MAX: variants seen among roughly 807,000 people sequenced by gnomAD.
MAX encodes protein max.
Under a neutral mutation model 22.3 loss-of-function variants are expected in MAX, and 3 were observed. That is an observed-to-expected ratio of 0.13 (90% CI 0.06 to 0.35). MAX has a LOEUF of 0.35. Ranked by LOEUF, MAX falls within the 10% of genes least tolerant of loss-of-function variation. MAX has a pLI of 1.00. For missense variants in MAX, 119 were observed against 209.4 expected, an observed-to-expected ratio of 0.57 and a Z score of 2.66; for synonymous variants, 72 against 77.7, an observed-to-expected ratio of 0.93 and a Z score of 0.39.
intron 3 of MAX, chr14:65,083,663 G>C: frequency 1.1e-6 from 1 of 932,474 alleles, no homozygotes; most frequent in Non-Finnish European, 1.3e-6. Context: ...AGATGCCAGT[G>C]GGCTGATGTT....
downstream of MAX, among the ~76,000 whole-genome samples, chr14:65,072,807 C>T (rs934642163): frequency 8.5e-5 from 13 of 152,208 alleles, no homozygotes; most frequent in Non-Finnish European, 1.8e-4. Flanking sequence ...GAGTTGACAC[C>T]AGATCTAATT....
chr14:65,009,616 C>A lies in MAX; in HGVS notation c.172-3332G>T, dbSNP rs1394137197. Among the ~76,000 whole-genome samples the A allele has an allele frequency of 1.3e-5, 2 of 152,174 alleles. No individual in the cohort carries two copies. The highest frequency in any genetic ancestry group is 4.8e-5 in the African/African-American group (2 of 41,416). Reference sequence around the variant, plus strand: ...CCTACTATACCCTCATCCCAGCCCTCCTCCATCCTCTTTACAGACCTTCCC... The same window carrying A: ...CCTACTATACCCTCATCCCAGCCCTACTCCATCCTCTTTACAGACCTTCCC... On this transcript the variant is annotated intron_variant, in intron 3 of 3. Transcript: ENST00000341653. This position sits in a 1 kb window ranked among gnomAD's most constrained non-coding sequence, Gnocchi z 4.2.
chr14:65,032,585 G>C lies in MAX; in HGVS notation c.172-26301C>G. On this transcript the variant is annotated intron_variant, in intron 3 of 3. Transcript: ENST00000341653. The surrounding 1 kb of genome is among the most constrained non-coding windows in gnomAD (Gnocchi z 5.0). ...CATTAGCTCTTCCGTAGAGCTTAATGTGTTTCCCGTTTCTGTCTTTCCAGA... is the reference window on the plus strand; with the variant it reads ...CATTAGCTCTTCCGTAGAGCTTAATCTGTTTCCCGTTTCTGTCTTTCCAGA... 1 of 1,611,532 alleles carries C rather than the reference G, an allele frequency of 6.2e-7. No homozygotes were observed. The highest frequency in any genetic ancestry group is 8.5e-7 in the Non-Finnish European group (1 of 1,179,494).
At chr14:65,061,383 A>G (rs961488871) in intron 3 of MAX, 30 of 1,598,468 alleles carry the variant, frequency 1.9e-5, no homozygotes, top group Non-Finnish European at 2.2e-5. Flanking sequence ...GTTTCAATAC[A>G]TACTGCATTC....
intron 3 of MAX, among the ~76,000 whole-genome samples, chr14:65,058,846 T>C (rs963324617): frequency 6.6e-6 from 1 of 152,210 alleles, no homozygotes; most frequent in Non-Finnish European, 1.5e-5. Flanking sequence ...AGTATACTGC[T>C]GGATTCAGTT....
At chr14:65,101,489 C>T (rs1052240594) in intron 2 of MAX, 57 bp downstream of exon 2, 1 of 1,469,582 alleles carries the variant, frequency 6.8e-7, no homozygotes, top group Non-Finnish European at 9.4e-7. Context: ...CTCTCTGACC[C>T]CAAAAAGGAA....
At chr14:65,046,297 A>G (rs1048642720) in intron 3 of MAX, among the ~76,000 whole-genome samples, 3 of 152,178 alleles carry the variant, frequency 2.0e-5, no homozygotes, top group African/African-American at 7.2e-5. Context: ...AGATAGAAAA[A>G]AACTTGGGGT....
At chr14:65,053,457 C>G in intron 3 of MAX, 2 of 938,540 alleles carry the variant, frequency 2.1e-6, no homozygotes, top group Non-Finnish European at 2.8e-6. Flanking sequence ...GTGTCACCTT[C>G]AGCACCTGCA....
chr14:65,082,855 T>C lies in MAX; in HGVS notation c.172-4819A>G, dbSNP rs1291222967. ...TTTTTCTTTCTATTTTAAAGACAGGTGAGAACTAAACAGGCTTCTAGCAGA... is the reference window on the plus strand; with the variant it reads ...TTTTTCTTTCTATTTTAAAGACAGGCGAGAACTAAACAGGCTTCTAGCAGA... On this transcript the variant is annotated intron_variant, in intron 3 of 4. Coordinates refer to ENST00000358664, the MANE Select transcript of MAX (RefSeq NM_002382.5). The surrounding 1 kb of genome is among the most constrained non-coding windows in gnomAD (Gnocchi z 4.8). 1.3e-5 allele frequency among the ~76,000 whole-genome samples: 2 copies of C among 151,446 alleles called. No individual in the cohort carries two copies. Among genetic ancestry groups the C allele is most frequent in the Non-Finnish European group, 2.9e-5 (2 of 67,918 alleles).
intron 3 of MAX, among the ~76,000 whole-genome samples, chr14:65,066,539 C>G (rs1449566316): frequency 6.6e-6 from 1 of 152,184 alleles, no homozygotes; most frequent in Non-Finnish European, 1.5e-5. Context: ...TGAGGAAATA[C>G]AGCGCTTACA....
chr14:65,012,151 G>A lies in MAX; in HGVS notation c.172-5867C>T. 4.3e-6 allele frequency: 3 copies of A among 705,002 alleles called. No homozygotes were observed. Among genetic ancestry groups the A allele is most frequent in the Non-Finnish European group, 7.0e-6 (3 of 427,206 alleles). 43.7% of individuals were successfully genotyped at this position (705,002 alleles called of 1,614,324 possible). A position where few individuals can be genotyped will look rare whatever the true frequency, so the allele number is the denominator to read the frequency against. On this transcript the variant is annotated intron_variant, in intron 3 of 3. Transcript: ENST00000341653. This position sits in a 1 kb window ranked among gnomAD's most constrained non-coding sequence, Gnocchi z 5.0. ...TTCAGACAAGAGCTTCTTTTCTCTG[G>A]TTTAGTTGCTCTTTGGAACCAGAGA...
rs1336799955 is a variant in MAX at position 65,027,310 on chromosome 14, A to G, written c.172-21026T>C. 4 of 1,291,358 alleles carry G rather than the reference A, an allele frequency of 3.1e-6. No homozygotes were observed. The highest frequency in any genetic ancestry group is 4.3e-6 in the Non-Finnish European group (4 of 933,886). The allele number at this position is 1,291,358 out of a possible 1,614,324, so 80.0% of individuals were successfully genotyped here. On this transcript the variant is annotated intron_variant, in intron 3 of 3. Coordinates refer to the MAX transcript ENST00000341653. This position sits in a 1 kb window ranked among gnomAD's most constrained non-coding sequence, Gnocchi z 5.7. ...GAATTAAGCCCTTTGGGGAGAGGTT[A>G]TATTCAACAAGTGGGAGGAGAGGTT...
downstream of MAX, among the ~76,000 whole-genome samples, chr14:65,072,193 G>C (rs1178696558): frequency 6.6e-6 from 1 of 152,198 alleles, no homozygotes; most frequent in Non-Finnish European, 1.5e-5. Flanking sequence ...GCTCTGGCTG[G>C]ATTATAAAAC....
chr14:65,098,887 T>C (rs550853554), intron 2 of MAX, among the ~76,000 whole-genome samples: 1 of 152,228 alleles, frequency 6.6e-6, no homozygotes, highest in Admixed American at 6.5e-5. Flanking sequence ...ATTTCTCATG[T>C]AGTAAGGCCT....
intron 3 of MAX, among the ~76,000 whole-genome samples, chr14:65,083,011 T>C (rs2063238144): frequency 6.6e-6 from 1 of 152,164 alleles, no homozygotes; most frequent in African/African-American, 2.4e-5. Context: ...GCTGGCTTCA[T>C]TACCTCTTGG....
chr14:65,052,660 T>TC (rs1386333736), intron 3 of MAX, among the ~76,000 whole-genome samples: 8 of 152,192 alleles, frequency 5.3e-5, no homozygotes, highest in Non-Finnish European at 1.2e-4. Context: ...TGCTAGGGTA[T>TC]CATATGATGC....
At chr14:65,010,356 C>T (rs969400898) in intron 3 of MAX, among the ~76,000 whole-genome samples, 1 of 152,248 alleles carries the variant, frequency 6.6e-6, no homozygotes, top group Non-Finnish European at 1.5e-5. Context: ...ACAAATGCTT[C>T]GTAGTCTGTG....
chr14:65,081,219 G>A (rs2063190888), intron 3 of MAX, among the ~76,000 whole-genome samples: 1 of 152,102 alleles, frequency 6.6e-6, no homozygotes, highest in Admixed American at 6.6e-5. Flanking sequence ...CCAAAAGAAT[G>A]GTTCAGAGTT....
chr14:65,038,364 C>T (rs901696593), intron 3 of MAX, among the ~76,000 whole-genome samples: 21 of 144,948 alleles, frequency 1.4e-4, no homozygotes, highest in Non-Finnish European at 2.1e-4. Context: ...GAGCCGAGAT[C>T]GCACCATTGC....
Sources: gnomAD v4.1 joint callset for allele counts (sites outside exome capture counted in the v4.1 genomes callset) on GRCh38, gnomAD v4.1.1 for gene constraint, Gnocchi (gnomAD v3.1) non-coding constraint, MANE v1.5 for transcripts, NCBI Gene and HGNC (gene_info 2026-07-23, HGNC 2026-07-21) for gene names.